Variants in MXD4 observed in about 807,000 individuals in gnomAD.
The protein encoded by MXD4 is MAX dimerization protein 4.
Under a neutral mutation model 24.5 loss-of-function variants are expected in MXD4, and 16 were observed. That is an observed-to-expected ratio of 0.65 (90% CI 0.44 to 0.99). MXD4 has a LOEUF of 0.99. Among genes scored for constraint, MXD4 ranks in the 50% least tolerant of loss-of-function variants. The pLI is 0.00. For missense variants in MXD4, 301 were observed against 301.5 expected (o/e 1.00, Z 0.01); for synonymous variants, 164 against 134.2 (o/e 1.22, Z -1.54).
chr4:2,255,395 A>G (rs113249192), intron 3 of MXD4: 1 of 456,274 alleles, frequency 2.2e-6, no homozygotes, highest in Non-Finnish European at 4.4e-6. Flanking sequence ...ACACACACGC[A>G]CTGTCCAAAA....
chr4:2,255,298 G>A (rs1010212104), intron 3 of MXD4: 12 of 456,114 alleles, frequency 2.6e-5, no homozygotes, highest in Non-Finnish European at 4.4e-5. Context: ...GCGGTCTCTG[G>A]GGTGGGGTGC....
chr4:2,261,654 C>G lies in MXD4; in HGVS notation c.164+71G>C, dbSNP rs543410898. 1,364 of 925,962 alleles carry G rather than the reference C, an allele frequency of 1.5e-3. 18 individuals carry two copies. In the African/African-American group the frequency reaches 0.023, roughly 16 times the overall value. The allele number at this position is 925,962 out of a possible 1,614,324, so 57.4% of individuals were successfully genotyped here. A position where few individuals can be genotyped will look rare whatever the true frequency, so the allele number is the denominator to read the frequency against. ...GGGCCGCGGGCCGGGAATCGGGGCC[C>G]GGAGAGCACGCTCCGGGCGGGGGCG... On this transcript the variant is annotated intron_variant, in intron 2 of 5. Coordinates refer to ENST00000337190, the MANE Select transcript of MXD4 (RefSeq NM_006454.3).
chr4:2,258,355 T>TCCAGGGCGC (rs1312959378), intron 2 of MXD4, among the ~76,000 whole-genome samples: 7 of 152,004 alleles, frequency 4.6e-5, no homozygotes, highest in Non-Finnish European at 1.0e-4. Context: ...TGCAGGCAGG[T>TCCAGGGCGC]CCAGGGCGCC....
intron 2 of MXD4, among the ~76,000 whole-genome samples, chr4:2,259,412 G>A (rs778048855): frequency 6.6e-6 from 1 of 152,190 alleles, no homozygotes; most frequent in African/African-American, 2.4e-5. Flanking sequence ...ACAGCCATAT[G>A]CTCCTCACTG....
chr4:2,251,162 G>C lies in MXD4; in HGVS notation c.394C>G (p.Gln132Glu), dbSNP rs1429230677. 1 of 1,600,860 alleles carries C rather than the reference G, an allele frequency of 6.2e-7. No individual in the cohort carries two copies. Among genetic ancestry groups the C allele is most frequent in the South Asian group, 1.1e-5 (1 of 89,240 alleles). ...CGCTCCACGCTCTGCACCGACAGCT[G>C]CTCCAGGCGCCGCTTCAGGAAACGA... The part of the protein sequence containing the change: ...EHRFLKRRLE[Q>E]LSVQSVERVR... Residue 132 changes from glutamine to glutamate, a missense_variant, in exon 5 of 6, where the codon CAG becomes GAG. Physicochemically the swap from Gln to Glu is conservative, Grantham distance 29. Coordinates refer to ENST00000337190, the MANE Select transcript of MXD4 (RefSeq NM_006454.3).
At position 2,257,982 on chromosome 4, in the gene MXD4, C is replaced by A; in HGVS notation, c.194G>T (p.Arg65Ile). Reference sequence around the variant, plus strand: ...TGTGGGGAACTGGGGGGTCACTTACCTGTGCTTTTCTAGCTCGTTGTGTGA... The same window carrying A: ...TGTGGGGAACTGGGGGGTCACTTACATGTGCTTTTCTAGCTCGTTGTGTGA... ...RSSHNELEKH[R>I]RAKLRLYLEQ... Residue 65 changes from arginine to isoleucine, a missense_variant and splice_region_variant, in exon 3 of 6, where the codon AGA becomes ATA. By Grantham distance (97) the Arg-to-Ile change is moderately conservative. Coordinates refer to ENST00000337190, the MANE Select transcript of MXD4 (RefSeq NM_006454.3). The A allele has an allele frequency of 6.2e-7, 1 of 1,613,716 alleles. No homozygotes were observed. The highest frequency in any genetic ancestry group is 8.5e-7 in the Non-Finnish European group (1 of 1,179,942).
chr4:2,257,688 A>C (rs1735458420), intron 3 of MXD4, among the ~76,000 whole-genome samples: 1 of 152,230 alleles, frequency 6.6e-6, no homozygotes, highest in Non-Finnish European at 1.5e-5. Flanking sequence ...CCTGAAAGCC[A>C]AGGGCCCTGA....
At position 2,261,991 on chromosome 4, in the gene MXD4, G is replaced by T; in HGVS notation, c.-11C>A. 1 of 1,304,774 alleles carries T rather than the reference G, an allele frequency of 7.7e-7. No homozygotes were observed. The allele number at this position is 1,304,774 out of a possible 1,614,324, so 80.8% of individuals were successfully genotyped here. A position where few individuals can be genotyped will look rare whatever the true frequency, so the allele number is the denominator to read the frequency against. On this transcript the variant is annotated 5_prime_UTR_variant, in exon 1 of 6. Coordinates refer to ENST00000337190, the MANE Select transcript of MXD4 (RefSeq NM_006454.3). ...GGAGTTCAGCTCCATCCTCCCGCCC[G>T]CGCCCGTCCGCCCCGGGACGGCGGC...
chr4:2,262,041 C>T lies in MXD4; in HGVS notation c.-61G>A, dbSNP rs1246196425. 2.1e-6 allele frequency: 2 copies of T among 936,450 alleles called. No individual in the cohort carries two copies. Among genetic ancestry groups the T allele is most frequent in the Non-Finnish European group, 2.6e-6 (2 of 779,904 alleles). 58.0% of individuals were successfully genotyped at this position (936,450 alleles called of 1,614,324 possible). On this transcript the variant is annotated 5_prime_UTR_variant, in exon 1 of 6. Coordinates refer to ENST00000337190, the MANE Select transcript of MXD4 (RefSeq NM_006454.3). ...CGGCCGCTGCCCGGCCCGCTCCGGC[C>T]GGCTCCGCTCGCCGCCCACCCCGCG...
At chr4:2,254,945 C>CT (rs1735395698) in intron 3 of MXD4, 1 of 226,500 alleles carries the variant, frequency 4.4e-6, no homozygotes, top group African/African-American at 2.4e-5. Flanking sequence ...ACCAGCATCT[C>CT]TACTTCTAGG....
At chr4:2,250,770 G>A in intron 5 of MXD4, 69 bp from the exon 6 acceptor site, 1 of 1,552,414 alleles carries the variant, frequency 6.4e-7, no homozygotes, top group South Asian at 1.2e-5. Flanking sequence ...CCCTTTTCTG[G>A]AAGCAGAAGC....
In MXD4 at chr4:2,261,761, T is replaced by A; in HGVS notation, c.128A>T (p.Lys43Met). The A allele has an allele frequency of 7.0e-7, 1 of 1,430,454 alleles. No individual in the cohort carries two copies. 88.6% of individuals were successfully genotyped at this position (1,430,454 alleles called of 1,614,324 possible). ...GGCCTTGCGCACCAGGCCGGCCGCC[T>A]TTGTTTTCTCCCTGGCGAAGTCGCC... ...FDGDFAREKT[K>M]AAGLVRKAPN... is the part of the protein sequence containing the mutation. The change falls in exon 2 of 6, where the codon AAG becomes ATG. Residue 43 changes from lysine (K) to methionine (M), a missense_variant. By Grantham distance (95) the Lys-to-Met change is moderately conservative (BLOSUM62 -1). Coordinates refer to ENST00000337190, the MANE Select transcript of MXD4 (RefSeq NM_006454.3).
intron 3 of MXD4, among the ~76,000 whole-genome samples, chr4:2,256,601 G>A (rs774831399): frequency 1.3e-5 from 2 of 152,188 alleles, no homozygotes; most frequent in Non-Finnish European, 2.9e-5. Flanking sequence ...GCCAGAGACA[G>A]AGACCCCCTG....
intron 3 of MXD4, among the ~76,000 whole-genome samples, chr4:2,257,213 G>C (rs1038393774): frequency 6.6e-6 from 1 of 152,182 alleles, no homozygotes; most frequent in African/African-American, 2.4e-5. Flanking sequence ...AGGGGACTGT[G>C]GGGGGCTCAA....
Position 2,261,901 on chromosome 4 carries a change from G to A in MXD4, c.64+16C>T. Reference sequence around the variant, plus strand: ...CCGCCCACCGCCGCGGGCGCACAATGGGGTGCGAGCGCTACCTCGATCCCT... The same window carrying A: ...CCGCCCACCGCCGCGGGCGCACAATAGGGTGCGAGCGCTACCTCGATCCCT... On this transcript the variant is annotated intron_variant, in intron 1 of 5. Transcript: ENST00000337190. 6.9e-7 allele frequency: 1 copy of A among 1,443,732 alleles called. No individual in the cohort carries two copies. Among genetic ancestry groups the A allele is most frequent in the South Asian group, 1.4e-5 (1 of 73,638 alleles). The allele number at this position is 1,443,732 out of a possible 1,614,324, so 89.4% of individuals were successfully genotyped here. A position where few individuals can be genotyped will look rare whatever the true frequency, so the allele number is the denominator to read the frequency against.
At chr4:2,261,675 G>C in intron 2 of MXD4, 50 bp downstream of exon 2, 1 of 1,118,840 alleles carries the variant, frequency 8.9e-7, no homozygotes, top group Non-Finnish European at 1.1e-6. Context: ...CTCCGGGCGG[G>C]GGCGGGGGTT....
At chr4:2,261,640 C>G in intron 2 of MXD4, 85 bp downstream of exon 2, 5 of 775,676 alleles carry the variant, frequency 6.4e-6, no homozygotes, top group Non-Finnish European at 8.0e-6. Flanking sequence ...GGCCGCGGGC[C>G]GGGAATCGGG....
Position 2,262,107 on chromosome 4 carries a change from C to G in MXD4, c.-127G>C. The G allele has an allele frequency of 2.9e-6, 1 of 340,418 alleles. No homozygotes were observed. Among genetic ancestry groups the G allele is most frequent in the Non-Finnish European group, 4.2e-6 (1 of 240,076 alleles). The allele number at this position is 340,418 out of a possible 1,614,324, so 21.1% of individuals were successfully genotyped here. The stretch of plus-strand genomic sequence containing the variant: ...CTTCCAGACTCCGCGGACTCCGGCG[C>G]TCGGCCGCCACCCTCCGCCTCAGGC... On this transcript the variant is annotated 5_prime_UTR_variant, in exon 1 of 6. Coordinates refer to ENST00000337190, the MANE Select transcript of MXD4 (RefSeq NM_006454.3).
intron 3 of MXD4, chr4:2,255,460 A>T: frequency 2.2e-6 from 1 of 451,760 alleles, no homozygotes; most frequent in Non-Finnish European, 4.4e-6. Context: ...TGGAGGCCAC[A>T]GAAATTCCTG....
Sources: allele counts gnomAD v4.1 joint callset (sites outside exome capture counted in the v4.1 genomes callset), GRCh38; gene constraint gnomAD v4.1.1; transcripts MANE v1.5; gene names NCBI Gene and HGNC (gene_info 2026-07-23, HGNC 2026-07-21).